PNPT1: variants seen among roughly 807,000 people sequenced by gnomAD.
PNPT1 encodes polyribonucleotide nucleotidyltransferase 1, mitochondrial.
Under a neutral mutation model 119.5 loss-of-function variants are expected in PNPT1, and 53 were observed. The ratio of observed to expected loss-of-function variants is 0.44; its 90% CI spans 0.36 to 0.56. The LOEUF (loss-of-function observed/expected upper bound fraction) is 0.56, where lower values mean the gene tolerates loss of function less well. PNPT1 is among the 20% of genes least tolerant of loss of function. The pLI is 0.00. For missense variants in PNPT1, 948 were observed against 938.5 expected, an observed-to-expected ratio of 1.01 and a Z score of -0.13; for synonymous variants, 357 against 322.1, an observed-to-expected ratio of 1.11 and a Z score of -1.16.
At position 55,647,425 on chromosome 2, in the gene PNPT1, G is replaced by A. The variant is rs773582221; in HGVS notation, c.1524C>T (p.Gly508=). The stretch of plus-strand genomic sequence containing the variant: ...TTTTGGTGACCAATCCTATTGCTAC[G>A]CCTGCAACAGCAGATGAAATTGGAA... ...SGVPISSAVA[G]VAIGLVTKTD... is the part of the protein sequence containing the mutation. The change falls in exon 19 of 28, where the codon GGC becomes GGT. Residue 508 remains glycine (G), a synonymous_variant. Transcript: ENST00000447944. 8 of 1,607,798 alleles carry A rather than the reference G, an allele frequency of 5.0e-6. No individual in the cohort carries two copies. Among genetic ancestry groups the A allele is most frequent in the South Asian group, 2.2e-5 (2 of 90,016 alleles).
At chr2:55,637,077 A>G (rs924689500) in intron 27 of PNPT1, among the ~76,000 whole-genome samples, 3 of 152,180 alleles carry the variant, frequency 2.0e-5, no homozygotes, top group Admixed American at 2.0e-4. Flanking sequence ...CAGACTGGCA[A>G]TGACTTCTTT....
chr2:55,644,797 A>T (rs1695934633), intron 22 of PNPT1, 77 bp from the exon 23 acceptor site: 1 of 777,896 alleles, frequency 1.3e-6, no homozygotes. Context: ...GTCACTTGAG[A>T]TTTTTTTTTT....
chr2:55,669,284 G>T (rs923618592), intron 11 of PNPT1, among the ~76,000 whole-genome samples: 10 of 152,100 alleles, frequency 6.6e-5, no homozygotes, highest in African/African-American at 1.9e-4. Context: ...AGCCTCAAAG[G>T]CTTATGGTTT....
chr2:55,672,184 A>G (rs1696937464), intron 9 of PNPT1, 138 bp from the exon 10 acceptor site: 1 of 654,260 alleles, frequency 1.5e-6, no homozygotes, highest in Admixed American at 3.4e-5. Flanking sequence ...GAAAATTTAT[A>G]TTGCTATTTA....
rs2627772 is a variant in PNPT1 at position 55,671,795 on chromosome 2, C to T, written c.918+200G>A. On this transcript the variant is annotated intron_variant, in intron 10 of 27. Coordinates refer to ENST00000447944, the MANE Select transcript of PNPT1 (RefSeq NM_033109.5). The stretch of plus-strand genomic sequence containing the variant: ...TGAGCTGAGATCATGCCACTGCACA[C>T]CAGCCTGGGCGACAGAGAGAGACTC... 0.44 allele frequency among the ~76,000 whole-genome samples: 66,699 copies of T among 152,114 alleles called. 15,608 individuals are homozygous for T. Among genetic ancestry groups the T allele is most frequent in the Non-Finnish European group, 0.52 (35,149 of 67,968 alleles).
At chr2:55,693,555 G>C (rs912467810) in intron 1 of PNPT1, 108 bp downstream of exon 1, 17 of 1,476,522 alleles carry the variant, frequency 1.2e-5, no homozygotes, top group East Asian at 2.3e-5. Flanking sequence ...GGTAAGGAGA[G>C]ATTAAATAGA....
At chr2:55,656,397 A>G (rs772522845) in intron 15 of PNPT1, 26 bp from the exon 16 acceptor site, 8 of 1,543,598 alleles carry the variant, frequency 5.2e-6, no homozygotes, top group Admixed American at 1.9e-5. Context: ...ACACAAACAC[A>G]CATATACAAT....
intron 2 of PNPT1, among the ~76,000 whole-genome samples, chr2:55,686,791 A>C (rs1356937582): frequency 6.6e-6 from 1 of 152,234 alleles, no homozygotes; most frequent in African/African-American, 2.4e-5. Flanking sequence ...AACAGAATTT[A>C]TTAACGCATA....
Position 55,667,019 on chromosome 2 carries a change from G to A in PNPT1, c.1148C>T (p.Ser383Leu), listed in dbSNP as rs757766273. ...EVDMFKTLHG[S>L]ALFQRGQTQV... ...TGTTTGTCCTCTTTGAAATAATGCTGATCCATGAAGGGTTTTAAACATATC... is the reference window on the plus strand; with the variant it reads ...TGTTTGTCCTCTTTGAAATAATGCTAATCCATGAAGGGTTTTAAACATATC... The change falls in exon 13 of 28, where the codon TCA becomes TTA. Residue 383 changes from serine (S) to leucine (L), a missense_variant. Transcript: ENST00000447944. 8 of 1,599,506 alleles carry A rather than the reference G, an allele frequency of 5.0e-6. No individual in the cohort carries two copies. The highest frequency in any genetic ancestry group is 6.8e-6 in the Non-Finnish European group (8 of 1,175,110).
chr2:55,683,909 T>A lies in PNPT1; in HGVS notation c.404-75A>T, dbSNP rs776088062. On this transcript the variant is annotated intron_variant, in intron 4 of 27. Coordinates refer to ENST00000447944, the MANE Select transcript of PNPT1 (RefSeq NM_033109.5). ...ACAGTTCAAAACGTTTGAACTAATATAGATAGCCATTCAATATGTTTTCAA... is the reference window on the plus strand; with the variant it reads ...ACAGTTCAAAACGTTTGAACTAATAAAGATAGCCATTCAATATGTTTTCAA... The A allele has an allele frequency of 2.8e-4, 378 of 1,366,240 alleles. 1 individual carries two copies. Among genetic ancestry groups the A allele is most frequent in the Non-Finnish European group, 2.1e-4 (203 of 966,076 alleles). The allele number at this position is 1,366,240 out of a possible 1,614,324, so 84.6% of individuals were successfully genotyped here. A position where few individuals can be genotyped will look rare whatever the true frequency, so the allele number is the denominator to read the frequency against.
At chr2:55,664,483 G>T (rs536129356) in intron 13 of PNPT1, among the ~76,000 whole-genome samples, 1 of 152,124 alleles carries the variant, frequency 6.6e-6, no homozygotes, top group Admixed American at 6.5e-5. Context: ...GAGAAGTTAT[G>T]GATGTATACT....
At chr2:55,644,064 CCCTTT>C (rs1695917223) in intron 23 of PNPT1, among the ~76,000 whole-genome samples, 1 of 152,060 alleles carries the variant, frequency 6.6e-6, no homozygotes, top group Non-Finnish European at 1.5e-5. Context: ...TATAATAGAA[CCCTTT>C]CCTTACTTTT....
chr2:55,668,896 G>A (rs867660891), intron 11 of PNPT1, among the ~76,000 whole-genome samples: 1 of 152,192 alleles, frequency 6.6e-6, no homozygotes, highest in South Asian at 2.1e-4. Context: ...CACTGTGCCC[G>A]GCCTAACTGA....
chr2:55,647,280 C>G (rs1369253670), intron 19 of PNPT1, 67 bp downstream of exon 19: 1 of 1,301,048 alleles, frequency 7.7e-7, no homozygotes, highest in Non-Finnish European at 1.1e-6. Flanking sequence ...TTGTTTTTAT[C>G]TTTTAATTTT....
chr2:55,663,754 G>C (rs1308691512), intron 13 of PNPT1, among the ~76,000 whole-genome samples: 1 of 152,110 alleles, frequency 6.6e-6, no homozygotes, highest in Non-Finnish European at 1.5e-5. Flanking sequence ...TGAGGCAGGT[G>C]AATCACGAGG....
At chr2:55,654,770 C>A (rs912892218) in intron 18 of PNPT1, 130 bp downstream of exon 18, 10 of 733,662 alleles carry the variant, frequency 1.4e-5, no homozygotes, top group Non-Finnish European at 2.4e-5. Context: ...GAGATGAGGT[C>A]TTGCTATGTT....
chr2:55,680,628 T>C, intron 7 of PNPT1, 84 bp downstream of exon 7: 1 of 1,242,764 alleles, frequency 8.0e-7, no homozygotes, highest in South Asian at 1.3e-5. Flanking sequence ...ATCAGAGCCA[T>C]ATGCCATTGC....
At chr2:55,645,260 G>C in intron 22 of PNPT1, 89 bp downstream of exon 22, 1 of 795,446 alleles carries the variant, frequency 1.3e-6, no homozygotes, top group South Asian at 1.5e-5. Flanking sequence ...TCCTGACCTT[G>C]TGATCCGCTC....
Position 55,660,166 on chromosome 2 carries a change from C to A in PNPT1, c.1275G>T (p.Leu425=), listed in dbSNP as rs772440628. 2.5e-6 allele frequency: 4 copies of A among 1,590,840 alleles called. 1 individual carries two copies. In the South Asian group the frequency reaches 4.6e-5, roughly 18 times the overall value. ...INGIKDKNFM[L]HYEFPPYATN... is the part of the protein sequence containing the mutation. Reference sequence around the variant, plus strand: ...AAAAAATTCACCTTACCTCGTAGTGCAGCATGAAATTTTTATCTTTTATCC... The same window carrying A: ...AAAAAATTCACCTTACCTCGTAGTGAAGCATGAAATTTTTATCTTTTATCC... The change falls in exon 15 of 28, where the codon CTG becomes CTT. Residue 425 remains leucine (L), a synonymous_variant. Coordinates refer to ENST00000447944, the MANE Select transcript of PNPT1 (RefSeq NM_033109.5).
Sources: allele counts gnomAD v4.1 joint callset (sites outside exome capture counted in the v4.1 genomes callset), GRCh38; gene constraint gnomAD v4.1.1; transcripts MANE v1.5; gene names NCBI Gene and HGNC (gene_info 2026-07-23, HGNC 2026-07-21).